Variants in SEL1L2 observed in about 807,000 individuals in gnomAD.
The protein encoded by SEL1L2 is SEL1L2 adaptor subunit of SYVN1 ubiquitin ligase.
SEL1L2 carries 89 observed loss-of-function variants against 98.8 expected under a neutral mutation model. The observed-to-expected ratio is 0.90, with a 90% confidence interval of 0.76 to 1.07. SEL1L2 has a LOEUF of 1.07. Among genes scored for constraint, SEL1L2 ranks in the 50% least tolerant of loss-of-function variants. The probability of loss-of-function intolerance (pLI) is 0.00; values close to 1 mark genes in which losing one functional copy is unlikely to be tolerated. For synonymous variants in SEL1L2, 262 were observed against 278.5 expected (o/e 0.94, Z 0.59); for missense variants, 788 against 812.0 (o/e 0.97, Z 0.36).
At chr20:13,904,142 G>GA (rs2047811073) in intron 5 of SEL1L2, among the ~76,000 whole-genome samples, 2 of 152,084 alleles carry the variant, frequency 1.3e-5, no homozygotes, top group African/African-American at 2.4e-5. Flanking sequence ...ATTGACTATG[G>GA]AGTTCATTTC....
At chr20:13,943,642 G>A (rs1051147290) in intron 2 of SEL1L2, among the ~76,000 whole-genome samples, 5 of 152,154 alleles carry the variant, frequency 3.3e-5, no homozygotes, top group African/African-American at 4.8e-5. Context: ...CTAATCAAGA[G>A]ATATTTGTAT....
intron 2 of SEL1L2, among the ~76,000 whole-genome samples, chr20:13,936,804 G>A (rs1375409248): frequency 3.3e-5 from 5 of 152,186 alleles, no homozygotes; most frequent in African/African-American, 4.8e-5. Context: ...CAGAAGACAA[G>A]ATGAACCCAT....
intron 1 of SEL1L2, among the ~76,000 whole-genome samples, chr20:13,962,883 G>A (rs1205977821): frequency 6.6e-6 from 1 of 152,030 alleles, no homozygotes; most frequent in Non-Finnish European, 1.5e-5. Context: ...GGCCAACATG[G>A]TGAAATCCCA....
At chr20:13,852,367 C>T (rs1988409825) in intron 18 of SEL1L2, among the ~76,000 whole-genome samples, 1 of 152,108 alleles carries the variant, frequency 6.6e-6, no homozygotes, top group African/African-American at 2.4e-5. Flanking sequence ...GATGTGAAAG[C>T]CTTTCTTTAA....
intron 1 of SEL1L2, among the ~76,000 whole-genome samples, chr20:13,984,218 G>A (rs1489287640): frequency 3.3e-5 from 5 of 151,900 alleles, no homozygotes; most frequent in Admixed American, 6.6e-5. Flanking sequence ...CACCATGTTG[G>A]CCAGGCTTGT....
At chr20:13,926,979 C>T (rs1435996964) in intron 3 of SEL1L2, among the ~76,000 whole-genome samples, 3 of 152,118 alleles carry the variant, frequency 2.0e-5, no homozygotes, top group Non-Finnish European at 4.4e-5. Context: ...CTCCACTGTT[C>T]CTACTGCATG....
At chr20:13,915,281 A>C in intron 4 of SEL1L2, 1 of 1,266,362 alleles carries the variant, frequency 7.9e-7, no homozygotes, top group Non-Finnish European at 1.0e-6. Context: ...CAGTGGAACA[A>C]AAAGAGATAG....
At chr20:13,930,462 A>G (rs1413246357) in intron 3 of SEL1L2, among the ~76,000 whole-genome samples, 1 of 152,148 alleles carries the variant, frequency 6.6e-6, no homozygotes. Context: ...TATCCTGTCT[A>G]CGCCTTTAGA....
intron 5 of SEL1L2, among the ~76,000 whole-genome samples, chr20:13,901,036 A>AT (rs1477276007): frequency 9.7e-5 from 14 of 144,158 alleles, no homozygotes; most frequent in South Asian, 2.2e-4. Context: ...GCTAGAGTTA[A>AT]TTTTTTTTCC....
At chr20:13,920,044 C>A (rs1466550849) in intron 3 of SEL1L2, among the ~76,000 whole-genome samples, 1 of 151,802 alleles carries the variant, frequency 6.6e-6, no homozygotes, top group Admixed American at 6.6e-5. Flanking sequence ...GCCTGGCCAA[C>A]ATGGTGAAAC....
chr20:13,937,472 T>G (rs149751095), intron 2 of SEL1L2, among the ~76,000 whole-genome samples: 1,633 of 152,216 alleles, frequency 0.011, 17 homozygotes, highest in South Asian at 0.052. Context: ...TAGGAGGTGG[T>G]GGGGGCTGGC....
At chr20:13,961,957 A>C (rs1447679500) in intron 1 of SEL1L2, among the ~76,000 whole-genome samples, 1 of 152,174 alleles carries the variant, frequency 6.6e-6, no homozygotes, top group Non-Finnish European at 1.5e-5. Context: ...GTGAAGGCAT[A>C]GGGGAATAAC....
At chr20:13,977,043 G>T (rs1200713811) in intron 1 of SEL1L2, among the ~76,000 whole-genome samples, 1 of 152,176 alleles carries the variant, frequency 6.6e-6, no homozygotes, top group Non-Finnish European at 1.5e-5. Context: ...AAGGTGAGCA[G>T]GGAAGGATAG....
At chr20:13,978,708 T>C (rs2051663211) in intron 1 of SEL1L2, among the ~76,000 whole-genome samples, 2 of 151,810 alleles carry the variant, frequency 1.3e-5, no homozygotes, top group African/African-American at 2.4e-5. Context: ...AAAATAAGTA[T>C]ACAAATAAAA....
rs386365633 is a variant in SEL1L2 at position 13,939,040 on chromosome 20, GTTT to G, written c.115-7272_115-7270del. Reference sequence around the variant, plus strand: ...TCTTTTTGGTTTGTTTGCTTGTTTTGTTTTTTTTTTTTTTTTTTTCTGAGATGG... The same window carrying G: ...TCTTTTTGGTTTGTTTGCTTGTTTTGTTTTTTTTTTTTTTTTCTGAGATGG... On this transcript the variant is annotated intron_variant, in intron 2 of 19. Transcript: ENST00000284951. Among the ~76,000 whole-genome samples, 55 of 114,072 alleles carry G rather than the reference GTTT, an allele frequency of 4.8e-4. 2 individuals are homozygous for G. The highest frequency in any genetic ancestry group is 7.6e-4 in the Non-Finnish European group (44 of 57,530). 74.8% of individuals were successfully genotyped at this position (114,072 alleles called of 152,430 possible).
At chr20:13,983,679 G>A (rs958469381) in intron 1 of SEL1L2, among the ~76,000 whole-genome samples, 8 of 151,806 alleles carry the variant, frequency 5.3e-5, no homozygotes, top group Non-Finnish European at 8.8e-5. Flanking sequence ...GCACCACCAC[G>A]CCCAGCTAAT....
chr20:13,911,192 CT>C (rs1302689244), intron 5 of SEL1L2, among the ~76,000 whole-genome samples: 1 of 152,236 alleles, frequency 6.6e-6, no homozygotes, highest in African/African-American at 2.4e-5. Flanking sequence ...CTAAATTGTG[CT>C]GCAGTTATTT....
At chr20:13,870,922 C>CAAAAAAAAAAAAAAAAAAAAA (rs534578783) in intron 12 of SEL1L2, among the ~76,000 whole-genome samples, 1 of 53,180 alleles carries the variant, frequency 1.9e-5, no homozygotes, top group African/African-American at 6.4e-5. Flanking sequence ...AACTCCATCT[C>CAAAAAAAAAAAAAAAAAAAAA]AAAAAAAAAA....
chr20:13,978,899 G>T (rs1289251098), intron 1 of SEL1L2, among the ~76,000 whole-genome samples: 1 of 151,810 alleles, frequency 6.6e-6, no homozygotes, highest in Non-Finnish European at 1.5e-5. Context: ...CCTCTACTAA[G>T]AATACAAAAA....
Sources: gnomAD v4.1 joint callset for allele counts (sites outside exome capture counted in the v4.1 genomes callset) on GRCh38, gnomAD v4.1.1 for gene constraint, MANE v1.5 for transcripts, NCBI Gene and HGNC (gene_info 2026-07-23, HGNC 2026-07-21) for gene names.